The following HS1BP3 variants were observed in gnomAD, a reference collection of about 807,000 sequenced individuals.
HS1BP3 encodes the protein HCLS1-binding protein 3.
Under a neutral mutation model 33.5 loss-of-function variants are expected in HS1BP3, and 32 were observed. That is an observed-to-expected ratio of 0.95 (90% CI 0.72 to 1.28). HS1BP3 has a LOEUF of 1.28. Among genes scored for constraint, HS1BP3 ranks in the 50% most tolerant of loss-of-function variants. HS1BP3 has a pLI of 0.00. For synonymous variants in HS1BP3, 187 were observed against 209.2 expected, an observed-to-expected ratio of 0.89 and a Z score of 0.92; for missense variants, 486 against 502.3, an observed-to-expected ratio of 0.97 and a Z score of 0.31.
chr2:20,628,094 C>T (rs1694845560), intron 4 of HS1BP3, among the ~76,000 whole-genome samples: 1 of 152,202 alleles, frequency 6.6e-6, no homozygotes, highest in Non-Finnish European at 1.5e-5. Flanking sequence ...CCGAAGATCT[C>T]CTGGCCGACT....
intron 2 of HS1BP3, among the ~76,000 whole-genome samples, chr2:20,608,451 G>A (rs939461737): frequency 6.6e-6 from 1 of 151,772 alleles, no homozygotes; most frequent in Non-Finnish European, 1.5e-5. Flanking sequence ...GTGCATGCCT[G>A]TAATCCCAGC....
At chr2:20,584,809 G>A (rs890527255) in intron 5 of HS1BP3, among the ~76,000 whole-genome samples, 6 of 152,170 alleles carry the variant, frequency 3.9e-5, no homozygotes, top group African/African-American at 1.4e-4. Flanking sequence ...TTTGGGTTTG[G>A]AAGGGATGAG....
downstream of HS1BP3, among the ~76,000 whole-genome samples, chr2:20,589,400 C>T (rs889983918): frequency 3.9e-5 from 6 of 152,182 alleles, no homozygotes; most frequent in African/African-American, 7.2e-5. Context: ...ACCTAAAGGC[C>T]GAGCTTTCCT....
rs777522521 is a variant in HS1BP3, at chr2:20,641,103, T to TG, written c.275dup (p.Leu93ThrfsTer12). ...CAACAAACAGGACCTTCCTGGGTAGTGGGGGGAGGCTGGCTGCTGCATAAC... is the reference window on the plus strand; with the variant it reads ...CAACAAACAGGACCTTCCTGGGTAGTGGGGGGGAGGCTGGCTGCTGCATAAC... On this transcript the variant is annotated frameshift_variant, in exon 3 of 7. Coordinates refer to ENST00000304031, the MANE Select transcript of HS1BP3 (RefSeq NM_022460.4). LOFTEE classifies it high-confidence loss of function. The TG allele has an allele frequency of 3.3e-5, 54 of 1,613,530 alleles. No homozygotes were observed. Among genetic ancestry groups the TG allele is most frequent in the African/African-American group, 5.3e-5 (4 of 74,902 alleles).
intron 2 of HS1BP3, among the ~76,000 whole-genome samples, chr2:20,612,160 A>C (rs1694330627): frequency 6.6e-6 from 1 of 152,296 alleles, no homozygotes; most frequent in Non-Finnish European, 1.5e-5. Context: ...TAGAGGAGGA[A>C]ATTGGGGCAC....
At chr2:20,560,435 C>T (rs1417698483), downstream of HS1BP3, 2 of 152,340 alleles carry the variant, frequency 1.3e-5, no homozygotes, top group East Asian at 3.8e-4. Context: ...TGTGGTCCTC[C>T]TAGATGGTTG....
At chr2:20,644,460 C>T (rs970082859) in intron 2 of HS1BP3, among the ~76,000 whole-genome samples, 1 of 152,190 alleles carries the variant, frequency 6.6e-6, no homozygotes, top group African/African-American at 2.4e-5. Flanking sequence ...GGCCTGAGCT[C>T]GTCCCGAGCT....
In HS1BP3 at chr2:20,619,213, A is replaced by G. The variant is rs765630459; in HGVS notation, c.953T>C (p.Leu318Pro). The change falls in exon 7 of 7, where the codon CTG (leucine) becomes CCG (proline). Residue 318 changes from leucine (L) to proline (P), a missense_variant. Coordinates refer to ENST00000304031, the MANE Select transcript of HS1BP3 (RefSeq NM_022460.4). ...VEEDLDQILN[L>P]GAEPKPKPQL... ...GGGCTTGGGTTTGGGCTCAGCTCCC[A>G]GGTTCAGAATCTGGTCCAAGTCCTC... 29 of 1,612,200 alleles carry G rather than the reference A, an allele frequency of 1.8e-5. No individual in the cohort carries two copies. The South Asian group carries it at 3.2e-4, about 18-fold the overall frequency.
chr2:20,616,269 G>C (rs558262338), downstream of HS1BP3, among the ~76,000 whole-genome samples: 3 of 152,152 alleles, frequency 2.0e-5, no homozygotes, highest in African/African-American at 4.8e-5. Flanking sequence ...CAAAATCTTG[G>C]GGGGGATAGA....
chr2:20,593,253 G>A (rs1393829232), intron 3 of HS1BP3, among the ~76,000 whole-genome samples: 2 of 152,012 alleles, frequency 1.3e-5, no homozygotes, highest in African/African-American at 4.8e-5. Flanking sequence ...CAACCTTCCC[G>A]GAACACTCCC....
chr2:20,642,920 C>T (rs1224531164), intron 2 of HS1BP3, among the ~76,000 whole-genome samples: 3 of 152,358 alleles, frequency 2.0e-5, no homozygotes, highest in Non-Finnish European at 4.4e-5. Context: ...GCTAGCACAT[C>T]CAAGAGCCTG....
chr2:20,627,711 G>T (rs530929469), intron 4 of HS1BP3, among the ~76,000 whole-genome samples: 2 of 152,292 alleles, frequency 1.3e-5, no homozygotes, highest in South Asian at 4.1e-4. Flanking sequence ...TGCTGCCTGG[G>T]CTGCCTTCTC....
chr2:20,608,331 T>G (rs1694243187), intron 2 of HS1BP3, among the ~76,000 whole-genome samples: 1 of 151,978 alleles, frequency 6.6e-6, no homozygotes, highest in Non-Finnish European at 1.5e-5. Flanking sequence ...TCCCAGCACT[T>G]TGGGAGGCCG....
At chr2:20,633,247 C>T (rs369399296) in intron 4 of HS1BP3, among the ~76,000 whole-genome samples, 6 of 152,322 alleles carry the variant, frequency 3.9e-5, no homozygotes, top group African/African-American at 1.4e-4. Context: ...TCAAACCATA[C>T]TCTAAGGGGC....
rs1289758869 is a variant in HS1BP3 at position 20,619,100 on chromosome 2, C to T, written c.1066G>A (p.Val356Met). 6 of 1,614,070 alleles carry T rather than the reference C, an allele frequency of 3.7e-6. No homozygotes were observed. The East Asian group carries it at 1.1e-4, about 30-fold the overall frequency. ...VPPKAGPAEA[V>M]AGQQKPQEQI... ...TCCTGCGGCTTCTGCTGCCCAGCCA[C>T]AGCTTCAGCCGGGCCCGCTTTGGGG... The change falls in exon 7 of 7, where the codon GTG (valine) becomes ATG (methionine). Residue 356 changes from valine (V) to methionine (M), a missense_variant. By Grantham distance (21) the Val-to-Met change is conservative. Transcript: ENST00000304031.
At chr2:20,627,153 C>T (rs955323714) in intron 4 of HS1BP3, among the ~76,000 whole-genome samples, 2 of 152,224 alleles carry the variant, frequency 1.3e-5, no homozygotes, top group South Asian at 4.1e-4. Flanking sequence ...TGCTCCTGGC[C>T]CCAGCAGGCA....
chr2:20,569,111 C>G (rs964859970), intron 5 of HS1BP3, among the ~76,000 whole-genome samples: 2 of 152,146 alleles, frequency 1.3e-5, no homozygotes, highest in African/African-American at 4.8e-5. Context: ...CCCAGCCTGC[C>G]TGGGCCTTGT....
intron 4 of HS1BP3, among the ~76,000 whole-genome samples, chr2:20,629,389 A>T (rs1694901067): frequency 6.6e-6 from 1 of 152,056 alleles, no homozygotes; most frequent in Non-Finnish European, 1.5e-5. Context: ...CCCGCCCTCC[A>T]GCCCGCCCTC....
chr2:20,564,192 C>T (rs142866353), intron 5 of HS1BP3, among the ~76,000 whole-genome samples: 1 of 152,212 alleles, frequency 6.6e-6, no homozygotes, highest in Non-Finnish European at 1.5e-5. Flanking sequence ...AGGCTGGAAA[C>T]CCCTCTAGTC....
Sources: gnomAD v4.1 joint callset for allele counts (sites outside exome capture counted in the v4.1 genomes callset) on GRCh38, gnomAD v4.1.1 for gene constraint, MANE v1.5 for transcripts, NCBI Gene and HGNC (gene_info 2026-07-23, HGNC 2026-07-21) for gene names.